Variants in RELT observed in about 807,000 individuals in gnomAD.
The protein encoded by RELT is tumor necrosis factor receptor superfamily member 19L.
A neutral mutation model predicts 51.1 loss-of-function variants in RELT; 37 were observed. The observed-to-expected ratio is 0.72, with a 90% CI of 0.56 to 0.95. The LOEUF (loss-of-function observed/expected upper bound fraction) is 0.95. RELT is among the 40% of genes least tolerant of loss of function. The probability of loss-of-function intolerance (pLI) is 0.00; values close to 1 mark genes in which losing one functional copy is unlikely to be tolerated. For missense variants in RELT, 535 were observed against 572.6 expected, an observed-to-expected ratio of 0.93 and a Z score of 0.67; for synonymous variants, 241 against 235.7, an observed-to-expected ratio of 1.02 and a Z score of -0.21.
chr11:73,395,022 C>T (rs1461873634), intron 9 of RELT, 65 bp from the exon 10 acceptor site: 11 of 1,402,522 alleles, frequency 7.8e-6, no homozygotes, highest in South Asian at 2.3e-5. Context: ...ACCCCGGGCA[C>T]GTGCTGCCTT....
At chr11:73,393,202 A>C in intron 6 of RELT, 1 of 1,000,532 alleles carries the variant, frequency 1.0e-6, no homozygotes, top group East Asian at 1.0e-4. Flanking sequence ...AGCGGACAGG[A>C]GCAGTAAGCC....
chr11:73,384,131 G>A (rs574426101), intron 1 of RELT, among the ~76,000 whole-genome samples: 7 of 152,244 alleles, frequency 4.6e-5, no homozygotes, highest in South Asian at 2.1e-4. Context: ...CCCCCAGTGC[G>A]GCCTCTCTTA....
At chr11:73,377,451 T>G (rs935038949) in intron 1 of RELT, among the ~76,000 whole-genome samples, 11 of 151,744 alleles carry the variant, frequency 7.2e-5, no homozygotes, top group African/African-American at 2.7e-4. Context: ...TTCAGCTTGG[T>G]GAGGAGATGG....
intron 1 of RELT, among the ~76,000 whole-genome samples, chr11:73,377,863 G>C (rs994836950): frequency 2.0e-5 from 3 of 152,108 alleles, no homozygotes; most frequent in African/African-American, 7.2e-5. Flanking sequence ...GGCTTCTCCT[G>C]GGGACACAGC....
intron 1 of RELT, among the ~76,000 whole-genome samples, chr11:73,387,849 CG>C (rs1349029075): frequency 6.6e-6 from 1 of 152,186 alleles, no homozygotes; most frequent in African/African-American, 2.4e-5. Flanking sequence ...GGAGTCACAG[CG>C]GGGGCCTCAG....
chr11:73,380,891 A>G (rs1866040942), intron 1 of RELT, among the ~76,000 whole-genome samples: 3 of 152,060 alleles, frequency 2.0e-5, no homozygotes, highest in African/African-American at 7.2e-5. Flanking sequence ...TGTGTGCTGA[A>G]CCCGTGTCTT....
intron 1 of RELT, among the ~76,000 whole-genome samples, chr11:73,379,508 G>A (rs565145955): frequency 4.6e-4 from 70 of 152,320 alleles, no homozygotes; most frequent in African/African-American, 1.6e-3. Flanking sequence ...CATAGGGTCA[G>A]GCCCAATCTC....
chr11:73,393,383 G>A, intron 6 of RELT: 3 of 1,148,568 alleles, frequency 2.6e-6, no homozygotes, highest in Non-Finnish European at 3.3e-6. Flanking sequence ...TTGAGATTTG[G>A]GCCCAAAGCT....
At chr11:73,376,654 C>G (rs568090761) in intron 1 of RELT, 155 bp downstream of exon 1, 1 of 152,028 alleles carries the variant, frequency 6.6e-6, no homozygotes, top group East Asian at 1.9e-4. Context: ...CCCCCCACCC[C>G]ACTCCTCCCG....
At chr11:73,383,659 T>C (rs1286070121) in intron 1 of RELT, among the ~76,000 whole-genome samples, 4 of 152,238 alleles carry the variant, frequency 2.6e-5, no homozygotes, top group Non-Finnish European at 5.9e-5. Context: ...CTGGGCTCCA[T>C]TCCTGCTTCA....
Position 73,396,117 on chromosome 11 carries a change from G to C in RELT, c.*626G>C, listed in dbSNP as rs1466626196. The C allele has an allele frequency of 1.3e-5, 2 of 153,120 alleles. No homozygotes were observed. Among genetic ancestry groups the C allele is most frequent in the African/African-American group, 4.8e-5 (2 of 41,456 alleles). The allele number at this position is 153,120 out of a possible 1,614,324, so 9.5% of individuals were successfully genotyped here. A position where few individuals can be genotyped will look rare whatever the true frequency, so the allele number is the denominator to read the frequency against. Reference sequence around the variant, plus strand: ...GTTCTGGGCTGGGTTGTGGGGGACTGGGGAGCTGGGCTCTACCATCCCTCC... The same window carrying C: ...GTTCTGGGCTGGGTTGTGGGGGACTCGGGAGCTGGGCTCTACCATCCCTCC... On this transcript the variant is annotated 3_prime_UTR_variant, in exon 11 of 11. Transcript: ENST00000064780.
At chr11:73,379,249 G>C (rs923168232) in intron 1 of RELT, among the ~76,000 whole-genome samples, 1 of 152,178 alleles carries the variant, frequency 6.6e-6, no homozygotes, top group African/African-American at 2.4e-5. Flanking sequence ...TTAGGGCCTG[G>C]GAGGGGGAGC....
Position 73,395,631 on chromosome 11 carries a change from G to A in RELT, c.*140G>A. 1.4e-6 allele frequency: 1 copy of A among 708,238 alleles called. No individual in the cohort carries two copies. Among genetic ancestry groups the A allele is most frequent in the Non-Finnish European group, 2.6e-6 (1 of 383,648 alleles). The allele number at this position is 708,238 out of a possible 1,614,324, so 43.9% of individuals were successfully genotyped here. A position where few individuals can be genotyped will look rare whatever the true frequency, so the allele number is the denominator to read the frequency against. On this transcript the variant is annotated 3_prime_UTR_variant, in exon 11 of 11. Coordinates refer to ENST00000064780, the MANE Select transcript of RELT (RefSeq NM_152222.2). The stretch of plus-strand genomic sequence containing the variant: ...ACGAGACAGCAAAGACCAAGGCCTG[G>A]AGGTGGGAGCGTCTGCCCCAGTGAG...
chr11:73,378,989 A>T (rs1363023963), intron 1 of RELT, among the ~76,000 whole-genome samples: 5 of 152,180 alleles, frequency 3.3e-5, no homozygotes, highest in African/African-American at 1.2e-4. Flanking sequence ...GGTGGGGAGC[A>T]GACAGGGAGT....
Position 73,390,872 on chromosome 11 carries a change from C to G in RELT, c.238C>G (p.Gln80Glu). 1 of 1,613,330 alleles carries G rather than the reference C, an allele frequency of 6.2e-7. No homozygotes were observed. Residue 80 changes from glutamine (Q) to glutamate (E), a missense_variant, in exon 4 of 11, where the codon CAG (glutamine) becomes GAG (glutamate). Coordinates refer to ENST00000064780, the MANE Select transcript of RELT (RefSeq NM_152222.2). ...CAGCCTTTGGAGGAGGCTGGAGGCC[C>G]AGGTGGGCATGGCAACTCGAGATAC... ...RCSLWRRLEA[Q>E]VGMATRDTLC...
At position 73,394,080 on chromosome 11, in the gene RELT, C is replaced by A; in HGVS notation, c.707-156C>A. Reference sequence around the variant, plus strand: ...TCTGACCCAGGAGTGCACACCTCTGCCTCCCATTCTTGCCTGATGAAGTGG... The same window carrying A: ...TCTGACCCAGGAGTGCACACCTCTGACTCCCATTCTTGCCTGATGAAGTGG... On this transcript the variant is annotated intron_variant, in intron 7 of 10. Coordinates refer to ENST00000064780, the MANE Select transcript of RELT (RefSeq NM_152222.2). The surrounding 1 kb of genome is among the most constrained non-coding windows in gnomAD (Gnocchi z 4.9). 1.1e-6 allele frequency: 1 copy of A among 940,838 alleles called. No individual in the cohort carries two copies. The highest frequency in any genetic ancestry group is 1.7e-6 in the Non-Finnish European group (1 of 603,536). 58.3% of individuals were successfully genotyped at this position (940,838 alleles called of 1,614,324 possible).
chr11:73,376,799 G>A (rs1206888129), intron 1 of RELT: 2 of 152,136 alleles, frequency 1.3e-5, no homozygotes, highest in Admixed American at 6.5e-5. Flanking sequence ...GGGAAGCAGC[G>A]GAACTTGCGG....
chr11:73,393,205 A>C, intron 6 of RELT: 1 of 1,000,976 alleles, frequency 1.0e-6, no homozygotes, highest in Non-Finnish European at 1.2e-6. Flanking sequence ...GGACAGGAGC[A>C]GTAAGCCGGC....
intron 1 of RELT, 44 bp from the exon 2 acceptor site, chr11:73,389,068 C>A (rs965170488): frequency 5.0e-6 from 5 of 1,000,562 alleles, no homozygotes; most frequent in Non-Finnish European, 4.6e-6. Context: ...CAGCTGCCTG[C>A]CTGTCCCTGC....
Sources: gnomAD v4.1 joint callset for allele counts (sites outside exome capture counted in the v4.1 genomes callset) on GRCh38, gnomAD v4.1.1 for gene constraint, Gnocchi (gnomAD v3.1) non-coding constraint, MANE v1.5 for transcripts, NCBI Gene and HGNC (gene_info 2026-07-23, HGNC 2026-07-21) for gene names.